The following CNGA1 variants were observed in gnomAD, a reference collection of about 807,000 sequenced individuals.
CNGA1 encodes cyclic nucleotide gated channel subunit alpha 1.
In CNGA1, 53 loss-of-function variants were observed where a neutral mutation model predicts 69.7. The ratio of observed to expected loss-of-function variants is 0.76; its 90% CI spans 0.61 to 0.96. CNGA1 has a LOEUF of 0.96. CNGA1 is among the 40% of genes least tolerant of loss of function. The pLI is 0.00. For missense variants in CNGA1, 739 were observed against 811.2 expected, an observed-to-expected ratio of 0.91 and a Z score of 1.08; for synonymous variants, 249 against 283.5, an observed-to-expected ratio of 0.88 and a Z score of 1.22.
At position 47,972,574 on chromosome 4, in the gene CNGA1, C is replaced by T. The variant is rs149036179; in HGVS notation, c.-15+8819G>A. ...AGTTTTCCTCAATCCGATGGGTGAG[C>T]ATTTTTTACCCTACAGTTTTTGATT... is the stretch of plus-strand genomic sequence containing the variant. On this transcript the variant is annotated intron_variant, in intron 3 of 10. Coordinates refer to ENST00000514170, the MANE Select transcript of CNGA1 (RefSeq NM_001379270.1). Among the ~76,000 whole-genome samples, 1,071 of 152,308 alleles carry T rather than the reference C, an allele frequency of 7.0e-3. 10 individuals carry two copies. The highest frequency in any genetic ancestry group is 0.014 in the Middle Eastern group (4 of 294).
chr4:47,965,423 G>A (rs1740667123), intron 3 of CNGA1, among the ~76,000 whole-genome samples: 1 of 149,652 alleles, frequency 6.7e-6, no homozygotes, highest in South Asian at 2.1e-4. Flanking sequence ...GTTATGATAA[G>A]TTATTCTTTT....
intron 2 of CNGA1, among the ~76,000 whole-genome samples, chr4:47,998,179 T>G (rs1250120770): frequency 6.6e-6 from 1 of 152,046 alleles, no homozygotes; most frequent in Admixed American, 6.5e-5. Flanking sequence ...AGCCCAGCAG[T>G]CTTGTTTAGC....
intron 1 of CNGA1, among the ~76,000 whole-genome samples, chr4:48,012,642 T>C (rs1434060193): frequency 6.7e-6 from 1 of 149,050 alleles, no homozygotes; most frequent in Non-Finnish European, 1.5e-5. Flanking sequence ...GAACTTTCCT[T>C]TGGATTTGAT....
intron 1 of CNGA1, among the ~76,000 whole-genome samples, chr4:48,013,250 T>C (rs921300186): frequency 6.6e-6 from 1 of 152,176 alleles, no homozygotes; most frequent in African/African-American, 2.4e-5. Flanking sequence ...TCAGAATCCC[T>C]CTGTGGTTAC....
Position 47,937,048 on chromosome 4 carries a change from A to C in CNGA1, c.1434T>G (p.Asp478Glu). The C allele has an allele frequency of 6.2e-7, 1 of 1,614,160 alleles. No individual in the cohort carries two copies. The highest frequency in any genetic ancestry group is 8.5e-7 in the Non-Finnish European group (1 of 1,180,032). Residue 478 changes from aspartate (D) to glutamate (E), a missense_variant, in exon 11 of 11, where the codon GAT (aspartate) becomes GAG (glutamate). By Grantham distance (45) the Asp-to-Glu change is conservative (BLOSUM62 2). Coordinates refer to ENST00000514170, the MANE Select transcript of CNGA1 (RefSeq NM_001379270.1). ...DTLKKVRIFA[D>E]CEAGLLVELV... ...ACTCCACCAACAGACCAGCTTCACA[A>C]TCAGCAAAAATGCGTACCTTTTTTA... is the stretch of plus-strand genomic sequence containing the variant.
chr4:47,975,775 A>T (rs1008333278), intron 3 of CNGA1, among the ~76,000 whole-genome samples: 1 of 152,106 alleles, frequency 6.6e-6, no homozygotes, highest in African/African-American at 2.4e-5. Context: ...CATCAAAGAA[A>T]GTTTACTTTA....
chr4:48,005,170 T>C (rs1362740696), intron 2 of CNGA1, among the ~76,000 whole-genome samples: 1 of 151,974 alleles, frequency 6.6e-6, no homozygotes, highest in African/African-American at 2.4e-5. Context: ...CAGGATGGAG[T>C]GCAGAGGTGT....
chr4:47,984,661 TATACAC>T (rs1214799542), intron 2 of CNGA1, among the ~76,000 whole-genome samples: 38 of 96,998 alleles, frequency 3.9e-4, no homozygotes, highest in East Asian at 2.7e-3. Flanking sequence ...TATATATATA[TATACAC>T]ACACACACAC....
intron 3 of CNGA1, among the ~76,000 whole-genome samples, chr4:47,970,488 T>TA (rs1008975694): frequency 5.9e-5 from 9 of 151,654 alleles, no homozygotes; most frequent in African/African-American, 1.9e-4. Context: ...CCATCTCTAC[T>TA]AAAAAAATAA....
intron 2 of CNGA1, among the ~76,000 whole-genome samples, chr4:48,003,319 C>T (rs1714748510): frequency 6.6e-6 from 1 of 152,172 alleles, no homozygotes; most frequent in Non-Finnish European, 1.5e-5. Context: ...ATCAGATATG[C>T]ATTTATCCCA....
intron 3 of CNGA1, among the ~76,000 whole-genome samples, chr4:47,958,804 C>T (rs182880477): frequency 2.2e-4 from 34 of 152,228 alleles, no homozygotes; most frequent in Middle Eastern, 6.8e-3. Context: ...AGCTCTTGAA[C>T]GTAATACCTG....
chr4:47,946,033 C>T (rs1259203483), intron 6 of CNGA1, among the ~76,000 whole-genome samples: 1 of 152,166 alleles, frequency 6.6e-6, no homozygotes, highest in African/African-American at 2.4e-5. Flanking sequence ...ACCCCTACCC[C>T]ACTAGTTCCT....
intron 2 of CNGA1, among the ~76,000 whole-genome samples, chr4:47,994,320 T>G (rs2110238964): frequency 6.6e-6 from 1 of 152,304 alleles, no homozygotes; most frequent in Middle Eastern, 3.4e-3. Context: ...TCTCATTTCT[T>G]AAGTCTATTA....
chr4:47,976,386 G>C lies in CNGA1; in HGVS notation c.-15+5007C>G, dbSNP rs190125450. ...GTGTTTATTATGGGTACAGGTGAAT[G>C]TCTTACTTTCCCAGTATTCTGTAAG... is the stretch of plus-strand genomic sequence containing the variant. On this transcript the variant is annotated intron_variant, in intron 3 of 10. Transcript: ENST00000514170. 2.5e-3 allele frequency among the ~76,000 whole-genome samples: 369 copies of C among 147,302 alleles called. 1 individual carries two copies. Among genetic ancestry groups the C allele is most frequent in the Non-Finnish European group, 4.5e-3 (299 of 66,770 alleles).
chr4:48,005,725 GT>G (rs983140265), intron 2 of CNGA1, among the ~76,000 whole-genome samples: 7 of 152,182 alleles, frequency 4.6e-5, no homozygotes, highest in Admixed American at 4.6e-4. Context: ...TATGAGGCCA[GT>G]TTTCCCAAGG....
At chr4:47,982,556 A>G (rs1741765412) in intron 2 of CNGA1, among the ~76,000 whole-genome samples, 1 of 152,198 alleles carries the variant, frequency 6.6e-6, no homozygotes. Flanking sequence ...AAGAAAATGG[A>G]AACATAGTCT....
At chr4:47,995,235 C>T (rs928888020) in intron 2 of CNGA1, among the ~76,000 whole-genome samples, 3 of 152,090 alleles carry the variant, frequency 2.0e-5, no homozygotes, top group Admixed American at 6.6e-5. Context: ...CTAGCAAGGC[C>T]ATGGAAATTT....
chr4:47,998,992 G>A (rs1453252106), intron 2 of CNGA1, among the ~76,000 whole-genome samples: 1 of 152,094 alleles, frequency 6.6e-6, no homozygotes, highest in African/African-American at 2.4e-5. Flanking sequence ...ATTATCAGAA[G>A]GTCAATAGTA....
chr4:47,954,071 CAG>C (rs1739911035), intron 3 of CNGA1, among the ~76,000 whole-genome samples: 1 of 152,092 alleles, frequency 6.6e-6, no homozygotes. Flanking sequence ...TCGAGAGGAA[CAG>C]AGTGGCAGAG....
Sources: allele counts gnomAD v4.1 joint callset (sites outside exome capture counted in the v4.1 genomes callset), GRCh38; gene constraint gnomAD v4.1.1; transcripts MANE v1.5; gene names NCBI Gene and HGNC (gene_info 2026-07-23, HGNC 2026-07-21).